Variants in SMCHD1 observed in about 807,000 individuals in gnomAD.
SMCHD1 encodes structural maintenance of chromosomes flexible hinge domain containing 1.
In SMCHD1, 78 loss-of-function variants were observed where a neutral mutation model predicts 254.7. That is an observed-to-expected ratio of 0.31 (90% CI 0.26 to 0.37). The LOEUF (loss-of-function observed/expected upper bound fraction) is 0.37. Among genes scored for constraint, SMCHD1 ranks in the 10% least tolerant of loss-of-function variants. The pLI, the probability that SMCHD1 is intolerant of heterozygous loss-of-function variation, is 1.00. For missense variants in SMCHD1, 1,840 were observed against 2,408.1 expected, an observed-to-expected ratio of 0.76 and a Z score of 4.94; for synonymous variants, 766 against 794.9, an observed-to-expected ratio of 0.96 and a Z score of 0.61.
intron 44 of SMCHD1, among the ~76,000 whole-genome samples, chr18:2,782,375 A>G (rs1598440787): frequency 6.6e-6 from 1 of 152,304 alleles, no homozygotes; most frequent in East Asian, 1.9e-4. Flanking sequence ...CTGTCCTTCT[A>G]CCATAACTCT....
chr18:2,685,244 C>T (rs541256781), intron 5 of SMCHD1, among the ~76,000 whole-genome samples: 2 of 151,754 alleles, frequency 1.3e-5, no homozygotes, highest in Admixed American at 6.6e-5. Flanking sequence ...GGACTACAGG[C>T]GCCCGCCACC....
intron 45 of SMCHD1, among the ~76,000 whole-genome samples, chr18:2,785,573 A>C (rs1281454691): frequency 6.9e-6 from 1 of 144,922 alleles, no homozygotes; most frequent in African/African-American, 2.6e-5. Context: ...AATCATTTGA[A>C]CCCAGGAGGT....
chr18:2,787,849 C>T (rs894054942), intron 45 of SMCHD1, among the ~76,000 whole-genome samples: 1 of 152,058 alleles, frequency 6.6e-6, no homozygotes, highest in East Asian at 1.9e-4. Context: ...CTACTTTAAG[C>T]CAAACAGGAA....
chr18:2,787,446 A>AG (rs921675565), intron 45 of SMCHD1, among the ~76,000 whole-genome samples: 1 of 152,190 alleles, frequency 6.6e-6, no homozygotes, highest in Non-Finnish European at 1.5e-5. Flanking sequence ...TTTAATTAGT[A>AG]GTTGAGAAAG....
chr18:2,802,562 G>A lies in SMCHD1; in HGVS notation c.*10G>A, dbSNP rs769060182. ...CAAAACAGATGTATGAGAGGTGACA[G>A]AGAGAAGAGGCCATTGGTCTCAGTA... is the stretch of plus-strand genomic sequence containing the variant. On this transcript the variant is annotated 3_prime_UTR_variant, in exon 48 of 48. Coordinates refer to ENST00000320876, the MANE Select transcript of SMCHD1 (RefSeq NM_015295.3). 1.9e-6 allele frequency: 3 copies of A among 1,551,564 alleles called. No individual in the cohort carries two copies. Among genetic ancestry groups the A allele is most frequent in the African/African-American group, 2.7e-5 (2 of 73,072 alleles).
chr18:2,785,032 A>T (rs1285590388), intron 45 of SMCHD1: 1 of 322,214 alleles, frequency 3.1e-6, no homozygotes, highest in African/African-American at 2.2e-5. Flanking sequence ...TCTATCTTGA[A>T]ATTTGTAACT....
chr18:2,750,998 C>T (rs907225656), intron 32 of SMCHD1, among the ~76,000 whole-genome samples: 13 of 151,886 alleles, frequency 8.6e-5, no homozygotes, highest in African/African-American at 2.9e-4. Context: ...TATATGCTAT[C>T]GAAAATCATA....
intron 5 of SMCHD1, among the ~76,000 whole-genome samples, chr18:2,686,588 A>G (rs1021971381): frequency 3.3e-5 from 5 of 151,890 alleles, no homozygotes; most frequent in Non-Finnish European, 5.9e-5. Flanking sequence ...TATGCTTTGT[A>G]GCATTGTGGT....
At position 2,656,172 on chromosome 18, in the gene SMCHD1, C is replaced by A. The variant is rs1189421056; in HGVS notation, c.97C>A (p.Arg33=). The A allele has an allele frequency of 7.9e-6, 12 of 1,512,706 alleles. No individual in the cohort carries two copies. The highest frequency in any genetic ancestry group is 1.1e-5 in the Non-Finnish European group (12 of 1,133,732). 93.7% of individuals were successfully genotyped at this position (1,512,706 alleles called of 1,614,324 possible). A position where few individuals can be genotyped will look rare whatever the true frequency, so the allele number is the denominator to read the frequency against. ...VGHRTVYLFD[R]REKESELGDR... ...CCACAGGACGGTGTACTTGTTTGAT[C>A]GGCGCGAAAAGGAGTCCGAGCTCGG... is the stretch of plus-strand genomic sequence containing the variant. The change falls in exon 1 of 48, where the codon CGG becomes AGG. Residue 33 remains arginine (R), a synonymous_variant. Coordinates refer to ENST00000320876, the MANE Select transcript of SMCHD1 (RefSeq NM_015295.3).
At chr18:2,771,389 A>G in intron 39 of SMCHD1, 144 bp from the exon 40 acceptor site, 1 of 603,544 alleles carries the variant, frequency 1.7e-6, no homozygotes, top group Non-Finnish European at 2.8e-6. Flanking sequence ...TTTAATTTTG[A>G]ATTTCTGAAA....
chr18:2,792,503 G>T (rs1357585412), intron 45 of SMCHD1, among the ~76,000 whole-genome samples: 2 of 152,150 alleles, frequency 1.3e-5, no homozygotes, highest in East Asian at 3.8e-4. Context: ...GACTGCACAG[G>T]GTTCAGTAGT....
chr18:2,676,355 C>A (rs1237982277), intron 5 of SMCHD1, among the ~76,000 whole-genome samples: 17 of 152,120 alleles, frequency 1.1e-4, no homozygotes, highest in Admixed American at 1.1e-3. Flanking sequence ...ATGCACATCT[C>A]CTCTAGATAA....
At position 2,772,390 on chromosome 18, in the gene SMCHD1, C is replaced by A; in HGVS notation, c.5175+18C>A. ...TGGGAAAGGTTTGTGTTTATTAAGC[C>A]TTTTGAAAGGCAGTACATTTTATTA... On this transcript the variant is annotated intron_variant, in intron 41 of 47. Transcript: ENST00000320876. 6.5e-7 allele frequency: 1 copy of A among 1,532,332 alleles called. No homozygotes were observed. The highest frequency in any genetic ancestry group is 8.7e-7 in the Non-Finnish European group (1 of 1,144,696). The allele number at this position is 1,532,332 out of a possible 1,614,324, so 94.9% of individuals were successfully genotyped here.
intron 19 of SMCHD1, among the ~76,000 whole-genome samples, chr18:2,721,647 G>A (rs2074930454): frequency 6.6e-6 from 1 of 152,164 alleles, no homozygotes; most frequent in African/African-American, 2.4e-5. Flanking sequence ...CTATGCCATG[G>A]TACCTTCACT....
At chr18:2,781,334 A>G (rs1263404736) in intron 44 of SMCHD1, among the ~76,000 whole-genome samples, 1 of 152,242 alleles carries the variant, frequency 6.6e-6, no homozygotes, top group Non-Finnish European at 1.5e-5. Context: ...AATTGACTCT[A>G]ATATCTGTTT....
chr18:2,696,939 C>T, intron 8 of SMCHD1, 93 bp from the exon 9 acceptor site: 1 of 586,174 alleles, frequency 1.7e-6, no homozygotes, highest in Non-Finnish European at 2.9e-6. Context: ...TGCTTGATAC[C>T]TAGTAAATAG....
intron 20 of SMCHD1, among the ~76,000 whole-genome samples, chr18:2,723,309 G>T (rs1019564617): frequency 1.3e-5 from 2 of 151,960 alleles, no homozygotes; most frequent in Admixed American, 6.6e-5. Flanking sequence ...ATACTCTGTT[G>T]TCTCTAGCTT....
intron 7 of SMCHD1, among the ~76,000 whole-genome samples, chr18:2,689,195 CTTT>C (rs1396850859): frequency 6.9e-6 from 1 of 145,744 alleles, no homozygotes. Context: ...TTCAACTCTT[CTTT>C]GTTTGAAACA....
intron 45 of SMCHD1, 107 bp from the exon 46 acceptor site, chr18:2,795,842 C>T: frequency 2.5e-6 from 2 of 807,076 alleles, no homozygotes; most frequent in Non-Finnish European, 3.8e-6. Flanking sequence ...AAAGTAGATC[C>T]CCTATGTTAC....
Sources: allele counts gnomAD v4.1 joint callset (sites outside exome capture counted in the v4.1 genomes callset), GRCh38; gene constraint gnomAD v4.1.1; transcripts MANE v1.5; gene names NCBI Gene and HGNC (gene_info 2026-07-23, HGNC 2026-07-21).